The following ZFPM2 variants were observed in gnomAD, a reference collection of about 807,000 sequenced individuals.
The protein encoded by ZFPM2 is zinc finger protein, FOG family member 2, also known as zinc finger protein ZFPM2.
A neutral mutation model predicts 98.6 loss-of-function variants in ZFPM2; 20 were observed. The observed-to-expected ratio is 0.20, with a 90% CI of 0.14 to 0.29. The LOEUF (loss-of-function observed/expected upper bound fraction) is 0.29. Among genes scored for constraint, ZFPM2 ranks in the 10% least tolerant of loss-of-function variants. The probability of loss-of-function intolerance (pLI) is 1.00; values close to 1 mark genes in which losing one functional copy is unlikely to be tolerated. For missense variants in ZFPM2, 1,310 were observed against 1,388.6 expected (o/e 0.94, Z 0.90); for synonymous variants, 518 against 502.7 (o/e 1.03, Z -0.41).
intron 3 of ZFPM2, among the ~76,000 whole-genome samples, chr8:105,448,448 C>A (rs1348893129): frequency 6.6e-6 from 1 of 151,674 alleles, no homozygotes; most frequent in Non-Finnish European, 1.5e-5. Context: ...ATTTATCTTG[C>A]ATTTATTGTA....
At chr8:105,695,210 A>G (rs1008480409) in intron 5 of ZFPM2, among the ~76,000 whole-genome samples, 3 of 152,092 alleles carry the variant, frequency 2.0e-5, no homozygotes, top group African/African-American at 7.2e-5. Flanking sequence ...TCCACGTACA[A>G]TTCCCTGTAA....
At chr8:105,322,052 T>G (rs988320776) in intron 1 of ZFPM2, among the ~76,000 whole-genome samples, 1 of 152,130 alleles carries the variant, frequency 6.6e-6, no homozygotes, top group African/African-American at 2.4e-5. Context: ...CTCAGAAGCT[T>G]TCTCTCATAA....
At chr8:105,391,146 C>T (rs1811099047) in intron 1 of ZFPM2, among the ~76,000 whole-genome samples, 1 of 152,164 alleles carries the variant, frequency 6.6e-6, no homozygotes, top group Non-Finnish European at 1.5e-5. Flanking sequence ...AGCTATGCAA[C>T]AAAAGCAAAT....
chr8:105,745,528 C>T (rs1222276209), intron 5 of ZFPM2, among the ~76,000 whole-genome samples: 7 of 152,062 alleles, frequency 4.6e-5, no homozygotes, highest in Non-Finnish European at 4.4e-5. Flanking sequence ...CACTTCAGAG[C>T]TGTGCTTTCA....
intron 3 of ZFPM2, among the ~76,000 whole-genome samples, chr8:105,475,704 A>G (rs1451936986): frequency 1.3e-5 from 2 of 152,232 alleles, no homozygotes; most frequent in Non-Finnish European, 2.9e-5. Context: ...TTTCATGTGA[A>G]TAAGCAGTGA....
Position 105,803,628 on chromosome 8 carries a change from C to T in ZFPM2, c.*90C>T, listed in dbSNP as rs6991211. 5 of 1,290,140 alleles carry T rather than the reference C, an allele frequency of 3.9e-6. No individual in the cohort carries two copies. Among genetic ancestry groups the T allele is most frequent in the Non-Finnish European group, 5.4e-6 (5 of 921,610 alleles). The allele number at this position is 1,290,140 out of a possible 1,614,324, so 79.9% of individuals were successfully genotyped here. ...AAAAAATAAGCTGTTTGAATTACAT[C>T]TGGGCAATCAGGAGATAATTCATTA... On this transcript the variant is annotated 3_prime_UTR_variant, in exon 8 of 8. Transcript: ENST00000407775.
rs148610777 is a variant in ZFPM2 at position 105,605,988 on chromosome 8, G to T, written c.421-28258G>T. Among the ~76,000 whole-genome samples the T allele has an allele frequency of 7.7e-4, 117 of 151,990 alleles. No individual in the cohort carries two copies. In the East Asian group the frequency reaches 0.02, roughly 26 times the overall value. ...AGTTTGTCATTTTCTCTTAATACCT[G>T]GTATGGAAGTGACTGGTCATTTGGT... On this transcript the variant is annotated intron_variant, in intron 4 of 7. Coordinates refer to ENST00000407775, the MANE Select transcript of ZFPM2 (RefSeq NM_012082.4).
intron 3 of ZFPM2, among the ~76,000 whole-genome samples, chr8:105,516,371 G>A (rs1337528910): frequency 6.6e-6 from 1 of 151,708 alleles, no homozygotes; most frequent in Non-Finnish European, 1.5e-5. Context: ...TGTGTGTGTT[G>A]GTTTTCTCTT....
chr8:105,643,623 C>CA (rs1341476414), intron 5 of ZFPM2, among the ~76,000 whole-genome samples: 2 of 152,022 alleles, frequency 1.3e-5, no homozygotes, highest in African/African-American at 4.8e-5. Flanking sequence ...CCAACAACAA[C>CA]AAAAAATCAA....
intron 5 of ZFPM2, among the ~76,000 whole-genome samples, chr8:105,651,545 C>G (rs917531624): frequency 3.3e-5 from 5 of 151,740 alleles, no homozygotes; most frequent in African/African-American, 9.7e-5. Context: ...GCCTGATAAC[C>G]TTCTCACCAT....
At chr8:105,455,620 T>G (rs1812573823) in intron 3 of ZFPM2, among the ~76,000 whole-genome samples, 1 of 152,168 alleles carries the variant, frequency 6.6e-6, no homozygotes, top group Non-Finnish European at 1.5e-5. Flanking sequence ...CTCTGATGAC[T>G]ATGTAGAGAG....
At chr8:105,326,560 ACT>A (rs1426014696) in intron 1 of ZFPM2, among the ~76,000 whole-genome samples, 1 of 151,170 alleles carries the variant, frequency 6.6e-6, no homozygotes, top group Non-Finnish European at 1.5e-5. Context: ...GTAGCTAAAA[ACT>A]CTTTTTATAA....
In ZFPM2 at chr8:105,419,256, G is replaced by A. The variant is rs1246514523; in HGVS notation, c.153G>A (p.Gly51=). ...PLEESFSTEF[G]PENLSCEEVE... is the part of the protein sequence containing the mutation. ...AGGAAAGCTTTTCCACAGAATTTGG[G>A]CCTGAAAATCTGAGCTGCGAAGAAG... Residue 51 remains glycine (G), a synonymous_variant, in exon 2 of 8, where the codon GGG becomes GGA. Transcript: ENST00000407775. 6 of 1,613,454 alleles carry A rather than the reference G, an allele frequency of 3.7e-6. No individual in the cohort carries two copies. The African/African-American group carries it at 8.0e-5, about 22-fold the overall frequency.
chr8:105,596,757 T>C, intron 4 of ZFPM2, among the ~76,000 whole-genome samples: 1 of 144,532 alleles, frequency 6.9e-6, no homozygotes, highest in Non-Finnish European at 1.5e-5. Context: ...TTTTTTTTTT[T>C]TTTTTTAATG....
intron 5 of ZFPM2, among the ~76,000 whole-genome samples, chr8:105,752,570 C>A (rs1213502989): frequency 6.6e-6 from 1 of 152,144 alleles, no homozygotes; most frequent in Non-Finnish European, 1.5e-5. Flanking sequence ...CAACGTAGAA[C>A]ACTTAAAATA....
At chr8:105,648,598 C>G (rs923948008) in intron 5 of ZFPM2, among the ~76,000 whole-genome samples, 2 of 152,174 alleles carry the variant, frequency 1.3e-5, no homozygotes, top group African/African-American at 4.8e-5. Context: ...CCACATATGG[C>G]TAGCCAGTTT....
chr8:105,567,369 C>G (rs1815263437), intron 4 of ZFPM2, among the ~76,000 whole-genome samples: 1 of 152,276 alleles, frequency 6.6e-6, no homozygotes, highest in South Asian at 2.1e-4. Flanking sequence ...TATCCTCAAC[C>G]AATGATGGAC....
intron 4 of ZFPM2, among the ~76,000 whole-genome samples, chr8:105,580,825 C>CTATATATATATATA (rs774123584): frequency 7.4e-5 from 10 of 135,116 alleles, no homozygotes; most frequent in African/African-American, 2.8e-4. Flanking sequence ...CTCTCTCTCT[C>CTATATATATATATA]TCTATATATA....
rs1236988887 is a variant in ZFPM2, at chr8:105,330,589, TATATAC to T, written c.40+11614_40+11619del. Among the ~76,000 whole-genome samples the T allele has an allele frequency of 4.6e-4, 20 of 43,286 alleles. 1 individual carries two copies. Among genetic ancestry groups the T allele is most frequent in the African/African-American group, 3.7e-3 (20 of 5,432 alleles). The allele number at this position is 43,286 out of a possible 152,430, so 28.4% of individuals were successfully genotyped here. ...ATATACATATATATATACATATATA[TATATAC>T]ATATATATATATATACACATATATA... On this transcript the variant is annotated intron_variant, in intron 1 of 7. Coordinates refer to ENST00000407775, the MANE Select transcript of ZFPM2 (RefSeq NM_012082.4).
Sources: allele counts gnomAD v4.1 joint callset (sites outside exome capture counted in the v4.1 genomes callset), GRCh38; gene constraint gnomAD v4.1.1; transcripts MANE v1.5; gene names NCBI Gene and HGNC (gene_info 2026-07-23, HGNC 2026-07-21).